The following NNT variants were observed in gnomAD, a reference collection of about 807,000 sequenced individuals.
The protein encoded by NNT is nicotinamide nucleotide transhydrogenase, also known as NAD(P) transhydrogenase, mitochondrial.
In NNT, 50 loss-of-function variants were observed where a neutral mutation model predicts 104.8. The observed-to-expected ratio is 0.48, with a 90% confidence interval of 0.38 to 0.60. The LOEUF (loss-of-function observed/expected upper bound fraction) is 0.60, where lower values mean the gene tolerates loss of function less well. Among genes scored for constraint, NNT ranks in the 20% least tolerant of loss-of-function variants. The pLI is 0.00. For missense variants in NNT, 1,131 were observed against 1,330.7 expected (o/e 0.85, Z 2.33); for synonymous variants, 461 against 490.4 (o/e 0.94, Z 0.79).
chr5:43,661,499 C>T (rs921437024), intron 17 of NNT, among the ~76,000 whole-genome samples: 2 of 150,922 alleles, frequency 1.3e-5, no homozygotes, highest in African/African-American at 4.9e-5. Flanking sequence ...TATGCTGGTG[C>T]GCTGCACCCA....
intron 5 of NNT, among the ~76,000 whole-genome samples, chr5:43,621,699 CT>C (rs1384285351): frequency 6.6e-6 from 1 of 151,858 alleles, no homozygotes; most frequent in Non-Finnish European, 1.5e-5. Flanking sequence ...GCCACTGCAC[CT>C]GGCCATGAGA....
rs773791824 is a variant in NNT at position 43,644,611 on chromosome 5, G to A, written c.1099G>A (p.Gly367Arg). The change falls in exon 9 of 22, where the codon GGA becomes AGA. Residue 367 changes from glycine to arginine, a missense_variant and splice_region_variant. Transcript: ENST00000344920. The part of the protein sequence containing the change: ...TKPGELYIHK[G>R]ITHIGYTDLP... ...TTTGACTATAATTTTGTTCATTTAG[G>A]GAATTACTCACATAGGCTACACAGA... The A allele has an allele frequency of 1.9e-6, 3 of 1,599,962 alleles. No individual in the cohort carries two copies. The Admixed American group carries it at 5.3e-5, about 28-fold the overall frequency.
intron 2 of NNT, 42 bp downstream of exon 2, chr5:43,609,388 C>T (rs1749390363): frequency 6.3e-7 from 1 of 1,594,990 alleles, no homozygotes; most frequent in African/African-American, 1.3e-5. Context: ...ACCTTCAAGT[C>T]ATAGGAACTA....
chr5:43,689,452 C>T (rs150173509), intron 19 of NNT, among the ~76,000 whole-genome samples: 1 of 152,286 alleles, frequency 6.6e-6, no homozygotes, highest in Non-Finnish European at 1.5e-5. Context: ...GGTTTTTGGT[C>T]ATGAAATCCT....
intron 6 of NNT, 90 bp downstream of exon 6, chr5:43,624,210 A>G: frequency 1.9e-6 from 2 of 1,078,684 alleles, no homozygotes; most frequent in Non-Finnish European, 1.4e-6. Context: ...AAATTGAAGT[A>G]GCACATTGCA....
rs1739782554 is a variant in NNT at position 43,651,808 on chromosome 5, A to G, written c.1787A>G (p.Tyr596Cys). ...CCCACTGACCCCCCAGAATACAACT[A>G]CCTGTACCTGCTCCCTGCCGGCACC... Reference protein sequence around the residue: ...KRPTDPPEYNYLYLLPAGTFV... With the variant: ...KRPTDPPEYNCLYLLPAGTFV... Residue 596 changes from tyrosine (Y) to cysteine (C), a missense_variant, in exon 13 of 22, where the codon TAC becomes TGC. Physicochemically the swap from Tyr to Cys is radical, Grantham distance 194. Coordinates refer to ENST00000344920, the MANE Select transcript of NNT (RefSeq NM_182977.3). 6.2e-7 allele frequency: 1 copy of G among 1,613,974 alleles called. No homozygotes were observed. Among genetic ancestry groups the G allele is most frequent in the Non-Finnish European group, 8.5e-7 (1 of 1,180,028 alleles).
chr5:43,691,070 AGTGTGTGTGTGT>A (rs56075202), intron 19 of NNT, among the ~76,000 whole-genome samples: 2,050 of 137,496 alleles, frequency 0.015, 20 homozygotes, highest in Non-Finnish European at 0.023. Context: ...TTTTTGAGAG[AGTGTGTGTGTGT>A]GTGTGTGTGT....
intron 7 of NNT, among the ~76,000 whole-genome samples, chr5:43,631,314 A>C (rs992153063): frequency 6.6e-6 from 1 of 152,194 alleles, no homozygotes; most frequent in African/African-American, 2.4e-5. Context: ...CAGTGAAGAC[A>C]TAACTCAGGC....
chr5:43,624,712 T>A (rs1750274851), intron 6 of NNT, among the ~76,000 whole-genome samples: 1 of 152,258 alleles, frequency 6.6e-6, no homozygotes, highest in African/African-American at 2.4e-5. Flanking sequence ...AGATTGTCTT[T>A]AAAGAGAAGT....
chr5:43,669,789 G>A (rs897102642), intron 17 of NNT, among the ~76,000 whole-genome samples: 3 of 152,162 alleles, frequency 2.0e-5, no homozygotes, highest in Non-Finnish European at 4.4e-5. Context: ...GATGATGCTG[G>A]CCTCATAAAA....
At chr5:43,670,729 A>G (rs1316133598) in intron 17 of NNT, among the ~76,000 whole-genome samples, 1 of 152,182 alleles carries the variant, frequency 6.6e-6, no homozygotes, top group African/African-American at 2.4e-5. Flanking sequence ...GAATAAGTGC[A>G]GTGTGGTGCT....
chr5:43,698,835 C>T (rs1742697942), intron 19 of NNT, among the ~76,000 whole-genome samples: 1 of 150,964 alleles, frequency 6.6e-6, no homozygotes, highest in African/African-American at 2.4e-5. Context: ...CATATATACA[C>T]ATACTTGCAC....
Position 43,645,383 on chromosome 5 carries a change from C to A in NNT, c.1317C>A (p.Pro439=). Residue 439 remains proline (P), a synonymous_variant, in exon 10 of 22, where the codon CCC becomes CCA. Coordinates refer to ENST00000344920, the MANE Select transcript of NNT (RefSeq NM_182977.3). The part of the protein sequence containing the change: ...MKDGKVIFPA[P]TPKNIPQGAP... The stretch of plus-strand genomic sequence containing the variant: ...ATGGTAAAGTGATTTTCCCAGCTCC[C>A]ACACCGAAAAATATTCCTCAAGGTG... The A allele has an allele frequency of 6.4e-7, 1 of 1,554,518 alleles. No homozygotes were observed. Among genetic ancestry groups the A allele is most frequent in the Non-Finnish European group, 8.7e-7 (1 of 1,148,948 alleles).
chr5:43,702,742 G>A lies in NNT; in HGVS notation c.3111+6G>A, dbSNP rs1742923958. ...AGGTCTGGAAATCAAAGCAGGTAAA[G>A]TTTCAGACTTGTATTTCATTCTGAT... is the stretch of plus-strand genomic sequence containing the variant. On this transcript the variant is annotated splice_donor_region_variant and intron_variant, in intron 21 of 21. Coordinates refer to ENST00000344920, the MANE Select transcript of NNT (RefSeq NM_182977.3). 4 of 1,579,244 alleles carry A rather than the reference G, an allele frequency of 2.5e-6. No homozygotes were observed. The highest frequency in any genetic ancestry group is 1.7e-5 in the Admixed American group (1 of 58,120).
intron 7 of NNT, among the ~76,000 whole-genome samples, chr5:43,640,754 T>C (rs1751190560): frequency 6.6e-6 from 1 of 151,388 alleles, no homozygotes; most frequent in Non-Finnish European, 1.5e-5. Flanking sequence ...TTTATTGAAA[T>C]TTCTGTGAGC....
At chr5:43,698,958 T>C (rs2112240662) in intron 19 of NNT, among the ~76,000 whole-genome samples, 1 of 151,608 alleles carries the variant, frequency 6.6e-6, no homozygotes, top group South Asian at 2.1e-4. Context: ...TCATTGAAGG[T>C]ATTTAGGCTG....
chr5:43,700,378 A>T, intron 20 of NNT, 141 bp downstream of exon 20: 1 of 575,848 alleles, frequency 1.7e-6, no homozygotes, highest in Non-Finnish European at 3.0e-6. Context: ...AATAAGTTGA[A>T]ATTAAATAAG....
intron 17 of NNT, among the ~76,000 whole-genome samples, chr5:43,666,210 C>T (rs2112018893): frequency 6.6e-6 from 1 of 152,300 alleles, no homozygotes; most frequent in East Asian, 1.9e-4. Flanking sequence ...GCAGAGGCTG[C>T]AATCTCGGCA....
chr5:43,622,382 T>A (rs528601636), intron 5 of NNT, among the ~76,000 whole-genome samples: 1 of 152,338 alleles, frequency 6.6e-6, no homozygotes, highest in East Asian at 1.9e-4. Flanking sequence ...CCTAAAGTTA[T>A]TTCCTTTCTC....
Sources: gnomAD v4.1 joint callset for allele counts (sites outside exome capture counted in the v4.1 genomes callset) on GRCh38, gnomAD v4.1.1 for gene constraint, MANE v1.5 for transcripts, NCBI Gene and HGNC (gene_info 2026-07-23, HGNC 2026-07-21) for gene names.